Variants in GPR141 observed in about 807,000 individuals in gnomAD.
GPR141 encodes probable G protein-coupled receptor 141.
A neutral mutation model predicts 6.8 loss-of-function variants in GPR141; 6 were observed. That is an observed-to-expected ratio of 0.88 (90% confidence interval 0.48 to 1.74). The LOEUF is 1.74. GPR141 is among the 40% of genes most tolerant of loss of function. GPR141 has a pLI of 0.01. For synonymous variants in GPR141, 140 were observed against 142.3 expected (o/e 0.98, Z 0.11); for missense variants, 372 against 372.9 (o/e 1.00, Z 0.02).
chr7:37,725,239 A>G (rs1229025524), intron 2 of GPR141, among the ~76,000 whole-genome samples: 10 of 152,200 alleles, frequency 6.6e-5, no homozygotes, highest in Admixed American at 5.9e-4. Context: ...TATGAAGAAC[A>G]TGGCTTGGGT....
At chr7:37,730,181 TTCCTCCCTCACTTTC>T (rs1415402861) in intron 2 of GPR141, 2 of 152,262 alleles carry the variant, frequency 1.3e-5, no homozygotes, top group African/African-American at 4.8e-5. Context: ...CTTCTCTCTT[TTCCTCCCTCACTTTC>T]TTGATCTCTC....
intron 2 of GPR141, among the ~76,000 whole-genome samples, chr7:37,707,131 G>A (rs534336125): frequency 3.3e-5 from 5 of 152,010 alleles, no homozygotes; most frequent in African/African-American, 1.2e-4. Flanking sequence ...TCAGGGGCAG[G>A]GTAACCTCAG....
At chr7:37,732,349 C>G (rs1583574050) in intron 2 of GPR141, among the ~76,000 whole-genome samples, 1 of 151,980 alleles carries the variant, frequency 6.6e-6, no homozygotes, top group East Asian at 1.9e-4. Context: ...GCCCCCTCAC[C>G]TTGAGAGTGA....
intron 2 of GPR141, among the ~76,000 whole-genome samples, chr7:37,719,702 A>G (rs569132764): frequency 1.3e-5 from 2 of 152,360 alleles, no homozygotes; most frequent in African/African-American, 4.8e-5. Flanking sequence ...AGCTGAGCAG[A>G]AAACCAGAAA....
intron 2 of GPR141, among the ~76,000 whole-genome samples, chr7:37,706,421 G>A (rs533642804): frequency 2.6e-5 from 4 of 152,282 alleles, no homozygotes. Context: ...ATTTGTAAAA[G>A]CATTTATCCA....
intron 2 of GPR141, among the ~76,000 whole-genome samples, chr7:37,693,940 C>T (rs1349454711): frequency 2.0e-5 from 3 of 152,046 alleles, no homozygotes; most frequent in African/African-American, 7.2e-5. Context: ...GGCAATGAGC[C>T]ACTTCAGCCA....
At position 37,742,901 on chromosome 7, in the gene GPR141, C is replaced by A. The variant is rs576728539; in HGVS notation, c.*1590C>A. 7.9e-5 allele frequency among the ~76,000 whole-genome samples: 12 copies of A among 152,042 alleles called. No individual in the cohort carries two copies. Among genetic ancestry groups the A allele is most frequent in the African/African-American group, 2.2e-4 (9 of 41,422 alleles). On this transcript the variant is annotated 3_prime_UTR_variant, in exon 3 of 3. Coordinates refer to ENST00000334425, the MANE Select transcript of GPR141 (RefSeq NM_001381946.1). ...ATAATATGGATTTTCTTTCCAAATT[C>A]GGAATTACTTTTTGTAAAATTGTAT...
intron 2 of GPR141, among the ~76,000 whole-genome samples, chr7:37,725,867 T>G (rs528818108): frequency 6.6e-6 from 1 of 152,280 alleles, no homozygotes; most frequent in Non-Finnish European, 1.5e-5. Context: ...CTGCCTCTGT[T>G]ACTGCTATTA....
At chr7:37,702,774 A>T (rs1461636245) in intron 2 of GPR141, among the ~76,000 whole-genome samples, 1 of 144,352 alleles carries the variant, frequency 6.9e-6, no homozygotes, top group Non-Finnish European at 1.5e-5. Flanking sequence ...ATAAAAAAAT[A>T]AAAAAATAAA....
intron 2 of GPR141, among the ~76,000 whole-genome samples, chr7:37,699,272 C>G (rs1810163269): frequency 6.6e-6 from 1 of 152,074 alleles, no homozygotes; most frequent in Admixed American, 6.5e-5. Flanking sequence ...TATGTAAACA[C>G]ATAGGTGGGC....
chr7:37,731,370 G>A lies in GPR141; in HGVS notation c.-14-9010G>A, dbSNP rs1055120440. On this transcript the variant is annotated intron_variant, in intron 2 of 2. Transcript: ENST00000334425. Reference sequence around the variant, plus strand: ...ATGGCTGCAAGCAAGTCATGCACGTGGAGAACGAGGTGTCTCTCTGAAAGA... The same window carrying A: ...ATGGCTGCAAGCAAGTCATGCACGTAGAGAACGAGGTGTCTCTCTGAAAGA... 1.6e-4 allele frequency among the ~76,000 whole-genome samples: 24 copies of A among 152,170 alleles called. No homozygotes were observed. The South Asian group carries it at 1.7e-3, about 10-fold the overall frequency.
chr7:37,694,148 G>T (rs1418414067), intron 2 of GPR141, among the ~76,000 whole-genome samples: 1 of 152,218 alleles, frequency 6.6e-6, no homozygotes, highest in African/African-American at 2.4e-5. Context: ...GTTTCCCTGG[G>T]ATGTCAGGCA....
At position 37,699,164 on chromosome 7, in the gene GPR141, T is replaced by C. The variant is rs546330383; in HGVS notation, c.-15+13581T>C. On this transcript the variant is annotated intron_variant, in intron 2 of 2. Transcript: ENST00000334425. ...CACGGATTGGCAGTTTTTTTTTCTA[T>C]GAAGAATCAGATAGTAAATATTTGT... Among the ~76,000 whole-genome samples, 21 of 152,306 alleles carry C rather than the reference T, an allele frequency of 1.4e-4. No homozygotes were observed. In the East Asian group the frequency reaches 1.5e-3, roughly 11 times the overall value.
intron 2 of GPR141, among the ~76,000 whole-genome samples, chr7:37,690,430 C>T (rs1357809067): frequency 6.6e-6 from 1 of 152,116 alleles, no homozygotes; most frequent in Non-Finnish European, 1.5e-5. Flanking sequence ...CCTGTCCTTT[C>T]CCCTTTCACA....
intron 2 of GPR141, among the ~76,000 whole-genome samples, chr7:37,732,271 G>A (rs73116996): frequency 0.015 from 1,971 of 135,316 alleles, 28 homozygotes; most frequent in Middle Eastern, 0.04. Flanking sequence ...TGCGGTTTTT[G>A]TCATTGCTTT....
chr7:37,727,903 C>A (rs566878580), intron 2 of GPR141, among the ~76,000 whole-genome samples: 16 of 152,346 alleles, frequency 1.1e-4, no homozygotes, highest in Admixed American at 1.0e-3. Context: ...CTTAGAGTGG[C>A]AACATGCCGT....
At chr7:37,702,169 T>C (rs1486653617) in intron 2 of GPR141, among the ~76,000 whole-genome samples, 1 of 152,230 alleles carries the variant, frequency 6.6e-6, no homozygotes, top group Admixed American at 6.5e-5. Context: ...TTTTTAGACA[T>C]AAAGTCTGAT....
At chr7:37,723,859 C>A (rs1811478476) in intron 2 of GPR141, among the ~76,000 whole-genome samples, 1 of 152,144 alleles carries the variant, frequency 6.6e-6, no homozygotes. Flanking sequence ...AGTTCCTGGA[C>A]AATGAAAGAT....
chr7:37,704,231 AT>A (rs57106804), intron 2 of GPR141, among the ~76,000 whole-genome samples: 156 of 146,870 alleles, frequency 1.1e-3, no homozygotes, highest in Middle Eastern at 3.5e-3. Flanking sequence ...TCTGGAGTTG[AT>A]TTTTTTTTTT....
Sources: gnomAD v4.1 joint callset for allele counts (sites outside exome capture counted in the v4.1 genomes callset) on GRCh38, gnomAD v4.1.1 for gene constraint, MANE v1.5 for transcripts, NCBI Gene and HGNC (gene_info 2026-07-23, HGNC 2026-07-21) for gene names.